SGCD: variants seen among roughly 807,000 people sequenced by gnomAD.
The protein encoded by SGCD is delta-sarcoglycan.
A neutral mutation model predicts 36.6 loss-of-function variants in SGCD; 18 were observed. The ratio of observed to expected loss-of-function variants is 0.49; its 90% CI spans 0.34 to 0.73. The LOEUF (loss-of-function observed/expected upper bound fraction) is 0.73, where lower values mean the gene tolerates loss of function less well. Among genes scored for constraint, SGCD ranks in the 30% least tolerant of loss-of-function variants. The pLI, the probability that SGCD is intolerant of heterozygous loss-of-function variation, is 0.01. For missense variants in SGCD, 387 were observed against 346.7 expected (o/e 1.12, Z -0.92); for synonymous variants, 133 against 130.6 (o/e 1.02, Z -0.12).
At position 156,277,011 on chromosome 5, in the gene SGCD, TG is replaced by T. The variant is rs1464152273; in HGVS notation, c.-43-52520del. ...AGAACTTTCTAAAGTTTCACAATGG[TG>T]GGTTTTATTATTTGCAGGAAATATT... On this transcript the variant is annotated intron_variant, in intron 3 of 9. Transcript: ENST00000517913. 4.6e-5 allele frequency among the ~76,000 whole-genome samples: 7 copies of T among 152,304 alleles called. No homozygotes were observed. In the East Asian group the frequency reaches 1.4e-3, roughly 29 times the overall value.
At chr5:155,788,158 A>G in the SGCD span, among the ~76,000 whole-genome samples, 2 of 152,196 alleles carry the variant, frequency 1.3e-5, no homozygotes, top group South Asian at 4.1e-4. Context: ...CAATTAATAC[A>G]CTTATTGGGA....
chr5:156,261,850 C>T (rs964823553), intron 3 of SGCD, among the ~76,000 whole-genome samples: 1 of 151,722 alleles, frequency 6.6e-6, no homozygotes, highest in Admixed American at 6.6e-5. Flanking sequence ...TAGTTTTTAA[C>T]AAGAATTTAA....
At chr5:156,366,765 C>T (rs945011764) in intron 3 of SGCD, among the ~76,000 whole-genome samples, 2 of 152,142 alleles carry the variant, frequency 1.3e-5, no homozygotes, top group African/African-American at 4.8e-5. Flanking sequence ...AAGATGACCA[C>T]ACCCAGATAA....
chr5:156,073,661 A>T (rs1400430709), intron 1 of SGCD, among the ~76,000 whole-genome samples: 2 of 152,202 alleles, frequency 1.3e-5, no homozygotes, highest in Non-Finnish European at 2.9e-5. Context: ...CCAGTTCTTG[A>T]TGCTTAGGGC....
chr5:156,352,160 C>T (rs1469650460), intron 3 of SGCD, among the ~76,000 whole-genome samples: 1 of 152,148 alleles, frequency 6.6e-6, no homozygotes, highest in Non-Finnish European at 1.5e-5. Context: ...TAGTATTGAT[C>T]ATGTAGACAA....
rs939783740 is a variant in SGCD at position 156,339,818 on chromosome 5, T to G, written c.4-4671T>G. On this transcript the variant is annotated intron_variant, in intron 2 of 8. Coordinates refer to ENST00000337851, the MANE Select transcript of SGCD (RefSeq NM_000337.6). ...ACTTAGAATGAGAAAGGAAATTAAA[T>G]TATTAATTTTTAAAAGATGACATCA... is the stretch of plus-strand genomic sequence containing the variant. Among the ~76,000 whole-genome samples, 9 of 152,162 alleles carry G rather than the reference T, an allele frequency of 5.9e-5. No homozygotes were observed. The East Asian group carries it at 1.5e-3, about 26-fold the overall frequency.
At chr5:156,538,797 T>C (rs1758227813) in intron 4 of SGCD, among the ~76,000 whole-genome samples, 2 of 152,094 alleles carry the variant, frequency 1.3e-5, no homozygotes, top group Non-Finnish European at 2.9e-5. Context: ...TCCTGTGATA[T>C]CTTGCCCTAC....
chr5:156,248,235 C>T (rs1765484972), intron 3 of SGCD, among the ~76,000 whole-genome samples: 1 of 152,080 alleles, frequency 6.6e-6, no homozygotes, highest in African/African-American at 2.4e-5. Flanking sequence ...AAAACCAAGG[C>T]CATTGGCTGG....
chr5:155,833,964 G>A, the SGCD span, among the ~76,000 whole-genome samples: 1 of 152,230 alleles, frequency 6.6e-6, no homozygotes, highest in African/African-American at 2.4e-5. Context: ...AGTTGTGGAA[G>A]GACATCAGTC....
intron 3 of SGCD, among the ~76,000 whole-genome samples, chr5:156,399,486 G>A (rs1772032063): frequency 6.6e-6 from 1 of 152,192 alleles, no homozygotes; most frequent in Non-Finnish European, 1.5e-5. Context: ...TATCCAGTGT[G>A]GCTTTACTGG....
chr5:156,579,506 G>A (rs1760148231), intron 4 of SGCD, among the ~76,000 whole-genome samples: 1 of 152,156 alleles, frequency 6.6e-6, no homozygotes, highest in African/African-American at 2.4e-5. Flanking sequence ...AATATTGACA[G>A]TGGGGTGTTA....
At chr5:155,748,467 T>G in the SGCD span, among the ~76,000 whole-genome samples, 2 of 152,070 alleles carry the variant, frequency 1.3e-5, no homozygotes, top group East Asian at 3.9e-4. Context: ...GTTCTCAAAT[T>G]TTAGCACACA....
At chr5:156,052,298 G>A (rs1275952802) in intron 1 of SGCD, among the ~76,000 whole-genome samples, 2 of 146,122 alleles carry the variant, frequency 1.4e-5, no homozygotes, top group East Asian at 3.9e-4. Flanking sequence ...GAAGAGTTTG[G>A]TGTGTTCAAG....
chr5:156,439,465 T>C (rs149315068), intron 3 of SGCD, among the ~76,000 whole-genome samples: 2,486 of 152,260 alleles, frequency 0.016, 32 homozygotes, highest in Non-Finnish European at 0.027. Context: ...AGTTTCTCAC[T>C]ACATTTTTAA....
At chr5:155,831,558 C>G in the SGCD span, among the ~76,000 whole-genome samples, 1 of 152,174 alleles carries the variant, frequency 6.6e-6, no homozygotes, top group African/African-American at 2.4e-5. Context: ...TGCTTTGTGC[C>G]TTCCATTATT....
At chr5:156,181,940 C>T (rs572105371) in intron 3 of SGCD, among the ~76,000 whole-genome samples, 2 of 152,264 alleles carry the variant, frequency 1.3e-5, no homozygotes, top group African/African-American at 4.8e-5. Context: ...ACAAGGAAGG[C>T]ATCTGGGAGT....
chr5:156,734,953 T>C (rs1756272001), intron 7 of SGCD, among the ~76,000 whole-genome samples: 1 of 152,244 alleles, frequency 6.6e-6, no homozygotes, highest in Non-Finnish European at 1.5e-5. Flanking sequence ...GGTTTTGCAC[T>C]GATTCTTTCT....
chr5:155,974,034 C>T (rs1434290923), intron 1 of SGCD, among the ~76,000 whole-genome samples: 1 of 152,178 alleles, frequency 6.6e-6, no homozygotes, highest in Non-Finnish European at 1.5e-5. Context: ...TTCTCTCTGG[C>T]AGTCAATTCA....
At chr5:156,388,680 G>A (rs907830138) in intron 3 of SGCD, among the ~76,000 whole-genome samples, 4 of 152,118 alleles carry the variant, frequency 2.6e-5, no homozygotes, top group Non-Finnish European at 4.4e-5. Flanking sequence ...AACTTTTTCA[G>A]CAATGTTGTG....
Sources: allele counts gnomAD v4.1 joint callset (sites outside exome capture counted in the v4.1 genomes callset), GRCh38; gene constraint gnomAD v4.1.1; transcripts MANE v1.5; gene names NCBI Gene and HGNC (gene_info 2026-07-23, HGNC 2026-07-21).